Variants in RUNDC3B observed in about 807,000 individuals in gnomAD.
The protein encoded by RUNDC3B is RUN domain containing 3B.
RUNDC3B carries 33 observed loss-of-function variants against 58.4 expected under a neutral mutation model. The observed-to-expected ratio is 0.56, with a 90% confidence interval of 0.43 to 0.75. The LOEUF (loss-of-function observed/expected upper bound fraction) is 0.75, where lower values mean the gene tolerates loss of function less well. Ranked by LOEUF, RUNDC3B falls within the 30% of genes least tolerant of loss-of-function variation. The pLI is 0.00. For missense variants in RUNDC3B, 501 were observed against 535.7 expected, an observed-to-expected ratio of 0.94 and a Z score of 0.64; for synonymous variants, 193 against 195.2, an observed-to-expected ratio of 0.99 and a Z score of 0.10.
At chr7:87,802,387 T>C (rs572793241) in intron 8 of RUNDC3B, among the ~76,000 whole-genome samples, 1 of 151,794 alleles carries the variant, frequency 6.6e-6, no homozygotes, top group Non-Finnish European at 1.5e-5. Flanking sequence ...AGAGCAACCC[T>C]GTCTCAAAAA....
At chr7:87,822,556 A>G (rs1246766918) in intron 10 of RUNDC3B, among the ~76,000 whole-genome samples, 1 of 152,232 alleles carries the variant, frequency 6.6e-6, no homozygotes, top group African/African-American at 2.4e-5. Flanking sequence ...CCAAAGGACT[A>G]TAAATCATGC....
intron 4 of RUNDC3B, among the ~76,000 whole-genome samples, chr7:87,717,952 T>C (rs1830661251): frequency 6.6e-6 from 1 of 152,108 alleles, no homozygotes; most frequent in Non-Finnish European, 1.5e-5. Context: ...TTAGTAACAA[T>C]ATAACACATC....
intron 2 of RUNDC3B, among the ~76,000 whole-genome samples, chr7:87,688,473 TC>T (rs1458613664): frequency 6.6e-6 from 1 of 151,948 alleles, no homozygotes; most frequent in Non-Finnish European, 1.5e-5. Context: ...CATTTTCTGT[TC>T]ATGACTTTTG....
intron 4 of RUNDC3B, among the ~76,000 whole-genome samples, chr7:87,735,059 G>T (rs1286797761): frequency 6.6e-6 from 1 of 152,054 alleles, no homozygotes; most frequent in Non-Finnish European, 1.5e-5. Flanking sequence ...ATATGACCAT[G>T]ATACCACATT....
At chr7:87,699,070 T>C (rs1828770368) in intron 2 of RUNDC3B, among the ~76,000 whole-genome samples, 1 of 152,270 alleles carries the variant, frequency 6.6e-6, no homozygotes, top group South Asian at 2.1e-4. Context: ...AGCAGTCAAG[T>C]TACACTAATG....
At chr7:87,732,787 G>A (rs1364601894) in intron 4 of RUNDC3B, among the ~76,000 whole-genome samples, 1 of 152,140 alleles carries the variant, frequency 6.6e-6, no homozygotes, top group African/African-American at 2.4e-5. Flanking sequence ...TGGGGATGAA[G>A]TAATTCTTTA....
intron 10 of RUNDC3B, among the ~76,000 whole-genome samples, chr7:87,829,101 G>C (rs1382613721): frequency 6.6e-6 from 1 of 151,966 alleles, no homozygotes; most frequent in Non-Finnish European, 1.5e-5. Context: ...CATGATTGTT[G>C]ACCACTTCTG....
intron 2 of RUNDC3B, among the ~76,000 whole-genome samples, chr7:87,671,044 A>C (rs930157737): frequency 6.6e-6 from 1 of 152,116 alleles, no homozygotes; most frequent in Admixed American, 6.5e-5. Flanking sequence ...ACTGAGGGTC[A>C]TTTGCTTGTT....
chr7:87,736,484 G>C (rs907066038), intron 4 of RUNDC3B, among the ~76,000 whole-genome samples: 1 of 151,762 alleles, frequency 6.6e-6, no homozygotes, highest in Non-Finnish European at 1.5e-5. Context: ...TCTTATAAGG[G>C]CATTATTTTA....
intron 6 of RUNDC3B, among the ~76,000 whole-genome samples, chr7:87,748,252 T>A (rs1046080402): frequency 1.3e-5 from 2 of 152,142 alleles, no homozygotes; most frequent in African/African-American, 4.8e-5. Context: ...ACCTTCAGCT[T>A]CTCCAGTGGG....
At chr7:87,747,600 A>G (rs1313125771) in intron 6 of RUNDC3B, among the ~76,000 whole-genome samples, 2 of 152,144 alleles carry the variant, frequency 1.3e-5, no homozygotes, top group East Asian at 3.9e-4. Context: ...AAGGACCATC[A>G]GGTGGGGGCA....
intron 6 of RUNDC3B, among the ~76,000 whole-genome samples, chr7:87,742,357 T>G (rs762767758): frequency 6.6e-6 from 1 of 152,100 alleles, no homozygotes; most frequent in Non-Finnish European, 1.5e-5. Flanking sequence ...CCTCACCCCC[T>G]CCCACTCTTC....
At chr7:87,629,930 A>G (rs1224282469) in intron 1 of RUNDC3B, among the ~76,000 whole-genome samples, 1 of 152,070 alleles carries the variant, frequency 6.6e-6, no homozygotes, top group Non-Finnish European at 1.5e-5. Context: ...CAAAAAAAAA[A>G]AAAAAGAACT....
intron 4 of RUNDC3B, among the ~76,000 whole-genome samples, chr7:87,727,743 T>TA (rs1831324597): frequency 6.6e-6 from 1 of 152,172 alleles, no homozygotes; most frequent in Admixed American, 6.6e-5. Context: ...AGAGGATGCA[T>TA]GTCTCTTTGG....
Position 87,668,460 on chromosome 7 carries a change from G to GT in RUNDC3B, c.238+17531dup, listed in dbSNP as rs28746488. Among the ~76,000 whole-genome samples the GT allele has an allele frequency of 5.2e-3, 779 of 151,122 alleles. 6 individuals are homozygous for GT. The highest frequency in any genetic ancestry group is 0.017 in the African/African-American group (706 of 41,244). On this transcript the variant is annotated intron_variant, in intron 2 of 10. Transcript: ENST00000394654. ...CCTTGGATTAATTGATCTTTTGATT[G>GT]TTTTTTTTGTGTCTCAGTTTCCTTC...
intron 6 of RUNDC3B, among the ~76,000 whole-genome samples, chr7:87,757,311 T>G (rs1213295061): frequency 2.6e-5 from 4 of 152,164 alleles, no homozygotes; most frequent in Admixed American, 2.6e-4. Context: ...AATAAACTAT[T>G]AGAACTGATA....
intron 2 of RUNDC3B, among the ~76,000 whole-genome samples, chr7:87,690,665 C>A (rs577274561): frequency 8.5e-5 from 13 of 152,186 alleles, no homozygotes; most frequent in African/African-American, 2.9e-4. Flanking sequence ...GAAAAATTTT[C>A]CTCCTATGTA....
intron 10 of RUNDC3B, among the ~76,000 whole-genome samples, chr7:87,818,717 G>A (rs960689888): frequency 6.6e-6 from 1 of 152,104 alleles, no homozygotes; most frequent in African/African-American, 2.4e-5. Flanking sequence ...CAGGGGTGGA[G>A]GAAAAATTAA....
At chr7:87,820,327 G>A (rs1007289469) in intron 10 of RUNDC3B, among the ~76,000 whole-genome samples, 10 of 152,112 alleles carry the variant, frequency 6.6e-5, no homozygotes, top group Admixed American at 6.5e-4. Context: ...ACCATCCCAT[G>A]ACTAAACCAG....
Sources: allele counts gnomAD v4.1 joint callset (sites outside exome capture counted in the v4.1 genomes callset), GRCh38; gene constraint gnomAD v4.1.1; transcripts MANE v1.5; gene names NCBI Gene and HGNC (gene_info 2026-07-23, HGNC 2026-07-21).